LRIG1: variants seen among roughly 807,000 people sequenced by gnomAD.
LRIG1 encodes leucine rich repeats and immunoglobulin like domains 1.
LRIG1 carries 48 observed loss-of-function variants against 99.2 expected under a neutral mutation model. The observed-to-expected ratio is 0.48, with a 90% CI of 0.38 to 0.62. The LOEUF (loss-of-function observed/expected upper bound fraction) is 0.62. Ranked by LOEUF, LRIG1 falls within the 20% of genes least tolerant of loss-of-function variation. The pLI, the probability that LRIG1 is intolerant of heterozygous loss-of-function variation, is 0.00. For synonymous variants in LRIG1, 772 were observed against 596.1 expected (o/e 1.29, Z -4.30); for missense variants, 1,646 against 1,434.4 (o/e 1.15, Z -2.38).
At position 66,380,278 on chromosome 3, in the gene LRIG1, C is replaced by T. The variant is rs764707342; in HGVS notation, c.3267G>A (p.Leu1089=). Residue 1089 remains leucine (L), a synonymous_variant, in exon 19 of 19, where the codon TTG becomes TTA. Coordinates refer to ENST00000273261, the MANE Select transcript of LRIG1 (RefSeq NM_015541.3). ...LPGKQRVPLL[L]APKS The stretch of plus-strand genomic sequence containing the variant: ...TAGACAAAACCTAGCTTTTTGGTGC[C>T]AACAGCAGTGGCACCCTCTGTTTCC... 2 of 1,612,002 alleles carry T rather than the reference C, an allele frequency of 1.2e-6. No homozygotes were observed. Among genetic ancestry groups the T allele is most frequent in the Non-Finnish European group, 1.7e-6 (2 of 1,178,644 alleles).
chr3:66,472,753 T>C (rs1700631996), intron 1 of LRIG1, among the ~76,000 whole-genome samples: 1 of 152,120 alleles, frequency 6.6e-6, no homozygotes. Context: ...AATATATTAC[T>C]TCCTCTGGGT....
Position 66,457,979 on chromosome 3 carries a change from T to C in LRIG1, c.290+4459A>G, listed in dbSNP as rs542245556. Among the ~76,000 whole-genome samples, 15 of 152,320 alleles carry C rather than the reference T, an allele frequency of 9.8e-5. No individual in the cohort carries two copies. In the South Asian group the frequency reaches 2.7e-3, roughly 27 times the overall value. ...ACTGTGAGAGTTAAGATGAAGGATATAGGAATTTAAGGTAGTGCAGCCGCC... is the reference window on the plus strand; with the variant it reads ...ACTGTGAGAGTTAAGATGAAGGATACAGGAATTTAAGGTAGTGCAGCCGCC... On this transcript the variant is annotated intron_variant, in intron 2 of 18. Transcript: ENST00000273261.
At chr3:66,441,555 C>T (rs894127088) in intron 3 of LRIG1, among the ~76,000 whole-genome samples, 1 of 152,178 alleles carries the variant, frequency 6.6e-6, no homozygotes, top group Non-Finnish European at 1.5e-5. Flanking sequence ...CTACCCAAAG[C>T]AAGTTCACCT....
chr3:66,383,899 G>A (rs960472080), intron 14 of LRIG1, 92 bp downstream of exon 14: 59 of 1,510,176 alleles, frequency 3.9e-5, no homozygotes, highest in Non-Finnish European at 4.2e-5. Context: ...GGCCCACAAC[G>A]CATACCACCC....
chr3:66,498,457 A>C (rs1371972095), intron 1 of LRIG1, among the ~76,000 whole-genome samples: 1 of 152,124 alleles, frequency 6.6e-6, no homozygotes, highest in East Asian at 1.9e-4. Flanking sequence ...ACTTCTGTGG[A>C]ACTAAGTGCT....
chr3:66,499,180 G>C (rs1701295812), intron 1 of LRIG1, among the ~76,000 whole-genome samples: 1 of 138,202 alleles, frequency 7.2e-6, no homozygotes, highest in South Asian at 2.6e-4. Context: ...AGTAAAAGAA[G>C]ACTATTCTAT....
At chr3:66,443,406 A>G (rs1703612779) in intron 3 of LRIG1, among the ~76,000 whole-genome samples, 1 of 151,378 alleles carries the variant, frequency 6.6e-6, no homozygotes, top group East Asian at 2.1e-4. Context: ...AGATGGAATT[A>G]GCCATGTCCT....
intron 3 of LRIG1, among the ~76,000 whole-genome samples, chr3:66,443,499 C>A (rs1479212559): frequency 6.6e-6 from 1 of 152,182 alleles, no homozygotes; most frequent in African/African-American, 2.4e-5. Flanking sequence ...GTAACTTACA[C>A]CTCTGTGTAG....
chr3:66,499,749 C>T (rs1701310942), intron 1 of LRIG1, among the ~76,000 whole-genome samples: 1 of 152,248 alleles, frequency 6.6e-6, no homozygotes, highest in African/African-American at 2.4e-5. Context: ...AGCTCAGACA[C>T]CAAATAGTTG....
At chr3:66,489,829 C>T (rs1252601843) in intron 1 of LRIG1, among the ~76,000 whole-genome samples, 1 of 152,168 alleles carries the variant, frequency 6.6e-6, no homozygotes, top group African/African-American at 2.4e-5. Context: ...CATTCTACCA[C>T]ATCCTCACTT....
intron 7 of LRIG1, 43 bp from the exon 8 acceptor site, chr3:66,407,534 G>GC (rs759260808): frequency 5.0e-6 from 8 of 1,604,996 alleles, no homozygotes; most frequent in East Asian, 2.2e-5. Context: ...TAGTGTGGTT[G>GC]CCCCCCAACC....
In LRIG1 at chr3:66,392,397, A is replaced by C. The variant is rs887503343; in HGVS notation, c.1468+1643T>G. Among the ~76,000 whole-genome samples the C allele has an allele frequency of 2.0e-5, 3 of 152,192 alleles. No individual in the cohort carries two copies. In the East Asian group the frequency reaches 5.8e-4, roughly 29 times the overall value. Reference sequence around the variant, plus strand: ...TTTTCCAAAGTGGCTGCCCCAGTTTACACTCCCACCAGCAGTGTAGGAGGG... The same window carrying C: ...TTTTCCAAAGTGGCTGCCCCAGTTTCCACTCCCACCAGCAGTGTAGGAGGG... On this transcript the variant is annotated intron_variant, in intron 12 of 18. Coordinates refer to ENST00000273261, the MANE Select transcript of LRIG1 (RefSeq NM_015541.3).
Position 66,383,116 on chromosome 3 carries a change from C to T in LRIG1, c.2357G>A (p.Cys786Tyr). 2 of 1,614,250 alleles carry T rather than the reference C, an allele frequency of 1.2e-6. No homozygotes were observed. The highest frequency in any genetic ancestry group is 1.1e-5 in the South Asian group (1 of 91,088). Residue 786 changes from cysteine (C) to tyrosine (Y), a missense_variant, in exon 15 of 19, where the codon TGC (cysteine) becomes TAC (tyrosine). Transcript: ENST00000273261. ...GCCTACCGTGGTCCCATCCTTCCTG[C>T]AGCCTGCTGCGGGCAGGACGCTCAG... is the stretch of plus-strand genomic sequence containing the variant. ...SQLSVLPAAG[C>Y]RKDGTTVGIF...
chr3:66,471,326 G>A (rs992534756), intron 1 of LRIG1, among the ~76,000 whole-genome samples: 9 of 152,106 alleles, frequency 5.9e-5, no homozygotes, highest in African/African-American at 2.2e-4. Context: ...CTTTCACATA[G>A]TCCTTAAGCT....
At chr3:66,382,886 G>A in intron 15 of LRIG1, 96 bp downstream of exon 15, 1 of 1,126,404 alleles carries the variant, frequency 8.9e-7, no homozygotes. Flanking sequence ...TGAACACAGT[G>A]CAATTCTTTC....
At chr3:66,467,809 T>C (rs1700509701) in intron 1 of LRIG1, among the ~76,000 whole-genome samples, 1 of 152,230 alleles carries the variant, frequency 6.6e-6, no homozygotes, top group Admixed American at 6.5e-5. Flanking sequence ...CGAATATATC[T>C]ATATCATGAA....
chr3:66,430,146 G>A (rs1267872292), intron 3 of LRIG1, among the ~76,000 whole-genome samples: 1 of 150,526 alleles, frequency 6.6e-6, no homozygotes, highest in Non-Finnish European at 1.5e-5. Flanking sequence ...CTGAACCAAG[G>A]AACATTACTC....
intron 8 of LRIG1, chr3:66,406,068 G>C (rs1324157935): frequency 1.0e-6 from 1 of 986,352 alleles, no homozygotes; most frequent in African/African-American, 1.7e-5. Flanking sequence ...AGCCCTTGCA[G>C]ACACAGGCCA....
chr3:66,486,218 T>C (rs895664227), intron 1 of LRIG1, among the ~76,000 whole-genome samples: 4 of 152,130 alleles, frequency 2.6e-5, no homozygotes, highest in Non-Finnish European at 5.9e-5. Flanking sequence ...TGCTTGTGTG[T>C]TAGGCCCTGT....
Sources: gnomAD v4.1 joint callset for allele counts (sites outside exome capture counted in the v4.1 genomes callset) on GRCh38, gnomAD v4.1.1 for gene constraint, MANE v1.5 for transcripts, NCBI Gene and HGNC (gene_info 2026-07-23, HGNC 2026-07-21) for gene names.